Variants in KCNIP4 observed in about 807,000 individuals in gnomAD.
KCNIP4 encodes potassium voltage-gated channel interacting protein 4, also known as Kv channel-interacting protein 4.
KCNIP4 carries 12 observed loss-of-function variants against 34.0 expected under a neutral mutation model. The observed-to-expected ratio is 0.35, with a 90% CI of 0.23 to 0.57. KCNIP4 has a LOEUF of 0.57. KCNIP4 is among the 20% of genes least tolerant of loss of function. The pLI is 0.83. For missense variants in KCNIP4, 238 were observed against 311.7 expected (o/e 0.76, Z 1.78); for synonymous variants, 124 against 102.2 (o/e 1.21, Z -1.29).
At chr4:21,265,065 T>C (rs559300725) in intron 1 of KCNIP4, among the ~76,000 whole-genome samples, 1 of 151,994 alleles carries the variant, frequency 6.6e-6, no homozygotes, top group Non-Finnish European at 1.5e-5. Flanking sequence ...TACCACTGCA[T>C]TCCAGCCTGA....
intron 1 of KCNIP4, among the ~76,000 whole-genome samples, chr4:21,418,040 G>A (rs1010085106): frequency 5.3e-5 from 8 of 152,064 alleles, no homozygotes; most frequent in Admixed American, 5.2e-4. Flanking sequence ...TAGAACAAAG[G>A]AATTACTCTA....
chr4:21,805,417 G>T (rs1721235168), intron 1 of KCNIP4, among the ~76,000 whole-genome samples: 1 of 152,012 alleles, frequency 6.6e-6, no homozygotes, highest in South Asian at 2.1e-4. Flanking sequence ...AGATCTGATG[G>T]TTTTATAAGG....
Position 21,126,752 on chromosome 4 carries a change from G to T in KCNIP4, c.62-244043C>A, listed in dbSNP as rs1377167359. Among the ~76,000 whole-genome samples the T allele has an allele frequency of 2.0e-5, 3 of 152,100 alleles. No individual in the cohort carries two copies. In the East Asian group the frequency reaches 5.8e-4, roughly 29 times the overall value. On this transcript the variant is annotated intron_variant, in intron 1 of 8. Coordinates refer to ENST00000382152, the MANE Select transcript of KCNIP4 (RefSeq NM_025221.6). Reference sequence around the variant, plus strand: ...ACTCATGAGAAAACCAAGGTCCAGAGAAATCAAATGGTTTCTTTGTAGACA... The same window carrying T: ...ACTCATGAGAAAACCAAGGTCCAGATAAATCAAATGGTTTCTTTGTAGACA...
Position 21,558,230 on chromosome 4 carries a change from G to A in KCNIP4, c.61+390341C>T, listed in dbSNP as rs1037629124. ...TTTAGGACCTGGTGCAGTGGCTCAC[G>A]CCTGTAATCCCAGCACTTTGGGAGG... On this transcript the variant is annotated intron_variant, in intron 1 of 8. Transcript: ENST00000382152. 5.3e-5 allele frequency among the ~76,000 whole-genome samples: 8 copies of A among 152,068 alleles called. No individual in the cohort carries two copies. The South Asian group carries it at 8.3e-4, about 16-fold the overall frequency.
intron 1 of KCNIP4, among the ~76,000 whole-genome samples, chr4:21,110,548 T>A (rs910983757): frequency 2.0e-5 from 3 of 152,254 alleles, no homozygotes; most frequent in African/African-American, 4.8e-5. Context: ...CTTCTCTGGC[T>A]TTTTAATTTT....
chr4:21,118,662 TG>T (rs929875206), intron 1 of KCNIP4, among the ~76,000 whole-genome samples: 3 of 152,042 alleles, frequency 2.0e-5, no homozygotes, highest in African/African-American at 7.2e-5. Context: ...AAGTGGGTGG[TG>T]GGGGGTGGTG....
At chr4:21,902,771 A>G (rs1352129674) in intron 1 of KCNIP4, among the ~76,000 whole-genome samples, 1 of 152,152 alleles carries the variant, frequency 6.6e-6, no homozygotes, top group Non-Finnish European at 1.5e-5. Flanking sequence ...ACAGAAATAT[A>G]TGGTTGAGGC....
At chr4:21,325,920 G>A (rs1276877345) in intron 1 of KCNIP4, among the ~76,000 whole-genome samples, 1 of 150,202 alleles carries the variant, frequency 6.7e-6, no homozygotes, top group African/African-American at 2.5e-5. Context: ...AATTCCTCTT[G>A]TTACTGATTT....
chr4:21,893,651 A>G (rs1378193400), intron 1 of KCNIP4, among the ~76,000 whole-genome samples: 1 of 152,174 alleles, frequency 6.6e-6, no homozygotes, highest in Non-Finnish European at 1.5e-5. Context: ...ATGTTGCCCC[A>G]ACAGTAGATA....
intron 1 of KCNIP4, among the ~76,000 whole-genome samples, chr4:21,177,283 A>G (rs972208473): frequency 6.6e-6 from 1 of 152,216 alleles, no homozygotes; most frequent in African/African-American, 2.4e-5. Flanking sequence ...AGGAAGAAGA[A>G]TTGCTGATTT....
intron 1 of KCNIP4, among the ~76,000 whole-genome samples, chr4:21,212,956 A>C (rs1433739706): frequency 6.6e-6 from 1 of 152,214 alleles, no homozygotes; most frequent in Non-Finnish European, 1.5e-5. Context: ...ATGGGGTATT[A>C]AAATTTCATT....
At chr4:21,796,551 A>G (rs1416881450) in intron 1 of KCNIP4, among the ~76,000 whole-genome samples, 1 of 152,218 alleles carries the variant, frequency 6.6e-6, no homozygotes, top group African/African-American at 2.4e-5. Flanking sequence ...TAAATTGTGT[A>G]CTTGAGAAAC....
At chr4:21,937,640 A>T (rs746721007) in intron 1 of KCNIP4, among the ~76,000 whole-genome samples, 9 of 152,048 alleles carry the variant, frequency 5.9e-5, no homozygotes, top group Non-Finnish European at 1.0e-4. Flanking sequence ...TTGTTCTTCA[A>T]AACTAACCAT....
At chr4:21,692,749 C>A (rs1019165350) in intron 1 of KCNIP4, among the ~76,000 whole-genome samples, 5 of 149,556 alleles carry the variant, frequency 3.3e-5, no homozygotes, top group African/African-American at 4.9e-5. Context: ...TCAGAGCATG[C>A]GGGCCAAGAG....
chr4:21,197,436 T>C (rs1756136886), intron 1 of KCNIP4, among the ~76,000 whole-genome samples: 1 of 152,194 alleles, frequency 6.6e-6, no homozygotes, highest in Non-Finnish European at 1.5e-5. Context: ...TTGCTTCCAA[T>C]AGCTCTTTTA....
Position 21,089,214 on chromosome 4 carries a change from T to C in KCNIP4, c.62-206505A>G, listed in dbSNP as rs186795360. On this transcript the variant is annotated intron_variant, in intron 1 of 8. Coordinates refer to ENST00000382152, the MANE Select transcript of KCNIP4 (RefSeq NM_025221.6). ...AGGTAATTAGATCATGGGGGTGGAC[T>C]TCCCCCTTGCTGTTCTCATGATAGT... 1.3e-5 allele frequency among the ~76,000 whole-genome samples: 2 copies of C among 152,280 alleles called. 1 individual carries two copies. The highest frequency in any genetic ancestry group is 4.8e-5 in the African/African-American group (2 of 41,562).
At chr4:21,948,500 G>A in intron 1 of KCNIP4, 71 bp downstream of exon 1, 1 of 1,522,612 alleles carries the variant, frequency 6.6e-7, no homozygotes, top group Non-Finnish European at 8.9e-7. Flanking sequence ...GAAGGGAAGG[G>A]GCAGCCGTCT....
intron 1 of KCNIP4, among the ~76,000 whole-genome samples, chr4:21,589,200 A>ATATG (rs1420306222): frequency 3.0e-5 from 1 of 33,100 alleles, no homozygotes; most frequent in Non-Finnish European, 6.1e-5. Context: ...ATATATATAT[A>ATATG]TGTGTACATA....
chr4:21,028,178 A>G (rs143555965), intron 1 of KCNIP4, among the ~76,000 whole-genome samples: 38 of 151,778 alleles, frequency 2.5e-4, no homozygotes, highest in East Asian at 3.9e-4. Flanking sequence ...CTCCCCCCCA[A>G]TTGTCACTGT....
Sources: allele counts gnomAD v4.1 joint callset (sites outside exome capture counted in the v4.1 genomes callset), GRCh38; gene constraint gnomAD v4.1.1; transcripts MANE v1.5; gene names NCBI Gene and HGNC (gene_info 2026-07-23, HGNC 2026-07-21).